Variants in RDX observed in about 807,000 individuals in gnomAD.
The protein encoded by RDX is radixin.
Under a neutral mutation model 83.7 loss-of-function variants are expected in RDX, and 32 were observed. The observed-to-expected ratio is 0.38, with a 90% CI of 0.29 to 0.51. The LOEUF is 0.51. Ranked by LOEUF, RDX falls within the 20% of genes least tolerant of loss-of-function variation. The probability of loss-of-function intolerance (pLI) is 0.87; values close to 1 mark genes in which losing one functional copy is unlikely to be tolerated. For missense variants in RDX, 600 were observed against 689.9 expected (o/e 0.87, Z 1.46); for synonymous variants, 229 against 222.7 (o/e 1.03, Z -0.25).
chr11:110,223,332 G>A (rs1864319336), intron 14 of RDX, among the ~76,000 whole-genome samples: 3 of 151,614 alleles, frequency 2.0e-5, no homozygotes, highest in Middle Eastern at 3.4e-3. Context: ...CAGCCTGGGC[G>A]ACAGAGCGAG....
intron 14 of RDX, among the ~76,000 whole-genome samples, chr11:110,222,953 TCAAGTA>T (rs1253658118): frequency 6.6e-6 from 1 of 152,230 alleles, no homozygotes; most frequent in East Asian, 1.9e-4. Context: ...TGAGCTACTA[TCAAGTA>T]CATTTGCAAA....
chr11:110,264,241 AAAT>A lies in RDX; in HGVS notation c.193-10_193-8del. On this transcript the variant is annotated splice_polypyrimidine_tract_variant and splice_region_variant and intron_variant, in intron 4 of 13. Transcript: ENST00000645495. ...TAACATCCTGCTGTGTTACCTGGAAAAATAATTTCAAGTATAATCAACAAAAAT... is the reference window on the plus strand; with the variant it reads ...TAACATCCTGCTGTGTTACCTGGAAAAATTTCAAGTATAATCAACAAAAAT... The A allele has an allele frequency of 6.3e-7, 1 of 1,587,554 alleles. No individual in the cohort carries two copies. Among genetic ancestry groups the A allele is most frequent in the African/African-American group, 1.4e-5 (1 of 73,772 alleles).
chr11:110,194,305 C>T (rs367825775), intron 15 of RDX, among the ~76,000 whole-genome samples: 5 of 152,352 alleles, frequency 3.3e-5, no homozygotes, highest in African/African-American at 4.8e-5. Context: ...CAGTAACCTC[C>T]GCCTTCCGGG....
intron 14 of RDX, among the ~76,000 whole-genome samples, chr11:110,215,411 A>T (rs1326428481): frequency 6.8e-6 from 1 of 146,514 alleles, no homozygotes; most frequent in Non-Finnish European, 1.5e-5. Flanking sequence ...TAAATAAATA[A>T]AATAATAATA....
chr11:110,209,128 C>T (rs544364244), intron 14 of RDX, among the ~76,000 whole-genome samples: 3 of 152,114 alleles, frequency 2.0e-5, no homozygotes, highest in Admixed American at 1.3e-4. Context: ...TCAGTGGATG[C>T]GCGCACCGTG....
intron 1 of RDX, among the ~76,000 whole-genome samples, chr11:110,284,067 A>G (rs759804186): frequency 5.3e-5 from 8 of 152,238 alleles, no homozygotes; most frequent in Non-Finnish European, 1.0e-4. Flanking sequence ...TATACTCATT[A>G]AACTAGCAAA....
intron 15 of RDX, among the ~76,000 whole-genome samples, chr11:110,187,560 G>T (rs1418212775): frequency 2.0e-5 from 3 of 152,204 alleles, no homozygotes; most frequent in Admixed American, 6.5e-5. Context: ...CAGGAGTTTA[G>T]GATGCCCCCA....
At position 110,247,734 on chromosome 11, in the gene RDX, T is replaced by C. The variant is rs139953187; in HGVS notation, c.1059A>G (p.Gln353=). The change falls in exon 10 of 14, where the codon CAA becomes CAG. Residue 353 remains glutamine (Q), a synonymous_variant. Coordinates refer to ENST00000645495, the MANE Select transcript of RDX (RefSeq NM_002906.4). ...EKEELMERLK[Q]IEEQTIKAQK... ...GAGCTTTAATTGTCTGCTCTTCAAT[T>C]TGTTTTAGACGTTCCATTAGCTCTT... 2,095 of 1,612,290 alleles carry C rather than the reference T, an allele frequency of 1.3e-3. 20 individuals carry two copies. In the African/African-American group the frequency reaches 0.021, roughly 16 times the overall value.
intron 13 of RDX, 38 bp from the exon 14 acceptor site, chr11:110,232,071 C>G: frequency 6.6e-7 from 1 of 1,524,962 alleles, no homozygotes; most frequent in Non-Finnish European, 9.0e-7. Context: ...TTATTTTTTT[C>G]TTAGATTTAA....
chr11:110,240,815 G>A (rs888390403), intron 10 of RDX, among the ~76,000 whole-genome samples: 4 of 150,922 alleles, frequency 2.7e-5, no homozygotes, highest in Non-Finnish European at 5.9e-5. Flanking sequence ...GCACTTTTGG[G>A]AGGCCGAGGT....
intron 15 of RDX, among the ~76,000 whole-genome samples, chr11:110,190,913 GA>G (rs1863092714): frequency 6.6e-6 from 1 of 152,174 alleles, no homozygotes; most frequent in African/African-American, 2.4e-5. Context: ...ACTCTGAATA[GA>G]GCAGTATCAA....
At chr11:110,197,011 A>G (rs1863230130) in intron 15 of RDX, among the ~76,000 whole-genome samples, 1 of 151,890 alleles carries the variant, frequency 6.6e-6, no homozygotes, top group Non-Finnish European at 1.5e-5. Context: ...CAATTCTCCC[A>G]CCTCAGCCTC....
Position 110,215,038 on chromosome 11 carries a change from A to AC in RDX, c.1749-15361_1749-15360insG, listed in dbSNP as rs1415079399. On this transcript the variant is annotated intron_variant, in intron 14 of 15. Transcript: ENST00000528498. ...AAAAAAACATTTAGGAGACCTAACA[A>AC]AAAAAAAAAAAATATATATATATAT... Among the ~76,000 whole-genome samples, 32 of 94,392 alleles carry AC rather than the reference A, an allele frequency of 3.4e-4. No homozygotes were observed. In the East Asian group the frequency reaches 6.5e-3, roughly 19 times the overall value. The allele number at this position is 94,392 out of a possible 152,430, so 61.9% of individuals were successfully genotyped here.
Position 110,258,158 on chromosome 11 carries a change from G to C in RDX, c.499C>G (p.Gln167Glu), listed in dbSNP as rs772506958. The change falls in exon 6 of 14, where the codon CAG becomes GAG. Residue 167 changes from glutamine to glutamate, a missense_variant. By Grantham distance (29) the Gln-to-Glu change is conservative. Transcript: ENST00000645495. ...VLEQHKLTKE[Q>E]WEERIQNWHE... Reference sequence around the variant, plus strand: ...CAGTTCTGTATTCTTTCTTCCCACTGTTCTTTTGTTAGTTTGTGTTGTTCC... The same window carrying C: ...CAGTTCTGTATTCTTTCTTCCCACTCTTCTTTTGTTAGTTTGTGTTGTTCC... 1 of 1,606,680 alleles carries C rather than the reference G, an allele frequency of 6.2e-7. No individual in the cohort carries two copies. Among genetic ancestry groups the C allele is most frequent in the South Asian group, 1.1e-5 (1 of 90,454 alleles).
Position 110,279,698 on chromosome 11 carries a change from TTC to T in RDX, c.-8_-7del. On this transcript the variant is annotated 5_prime_UTR_variant, in exon 2 of 14. Transcript: ENST00000645495. The stretch of plus-strand genomic sequence containing the variant: ...ACACTTACTGGTTTCGGCATTTTCT[TTC>T]TCTTTTTGTTACCTTCTTTAAAAAT... The T allele has an allele frequency of 1.3e-6, 2 of 1,528,240 alleles. No homozygotes were observed. Among genetic ancestry groups the T allele is most frequent in the Non-Finnish European group, 1.8e-6 (2 of 1,103,702 alleles). 94.7% of individuals were successfully genotyped at this position (1,528,240 alleles called of 1,614,324 possible). A position where few individuals can be genotyped will look rare whatever the true frequency, so the allele number is the denominator to read the frequency against.
At chr11:110,242,676 A>G (rs1467799778) in intron 10 of RDX, among the ~76,000 whole-genome samples, 3 of 152,170 alleles carry the variant, frequency 2.0e-5, no homozygotes, top group Non-Finnish European at 4.4e-5. Context: ...GAATTGTATA[A>G]AAGTGTAAGT....
chr11:110,217,929 T>C (rs1270527274), intron 14 of RDX, among the ~76,000 whole-genome samples: 1 of 152,264 alleles, frequency 6.6e-6, no homozygotes. Flanking sequence ...TTATTTATGA[T>C]GATGTATTAA....
intron 2 of RDX, chr11:110,273,232 A>C (rs1860373175): frequency 2.9e-6 from 1 of 347,772 alleles, no homozygotes; most frequent in Non-Finnish European, 5.7e-6. Context: ...AGCAAAACAA[A>C]AAAGGCAAAG....
intron 15 of RDX, among the ~76,000 whole-genome samples, chr11:110,194,891 G>T (rs1381633220): frequency 6.6e-6 from 1 of 152,174 alleles, no homozygotes; most frequent in African/African-American, 2.4e-5. Context: ...TCTTTAAGGG[G>T]TAACTTCGTG....
Sources: allele counts gnomAD v4.1 joint callset (sites outside exome capture counted in the v4.1 genomes callset), GRCh38; gene constraint gnomAD v4.1.1; transcripts MANE v1.5; gene names NCBI Gene and HGNC (gene_info 2026-07-23, HGNC 2026-07-21).